CCDC102B: variants seen among roughly 807,000 people sequenced by gnomAD.
The protein encoded by CCDC102B is coiled-coil domain-containing protein 102B.
In CCDC102B, 75 loss-of-function variants were observed where a neutral mutation model predicts 57.4. The ratio of observed to expected loss-of-function variants is 1.31; its 90% CI spans 1.08 to 1.58. The LOEUF is 1.58. Among genes scored for constraint, CCDC102B ranks in the 40% most tolerant of loss-of-function variants. The pLI, the probability that CCDC102B is intolerant of heterozygous loss-of-function variation, is 0.00. For synonymous variants in CCDC102B, 206 were observed against 201.9 expected (o/e 1.02, Z -0.17); for missense variants, 636 against 582.6 (o/e 1.09, Z -0.94).
intron 4 of CCDC102B, among the ~76,000 whole-genome samples, chr18:68,867,979 T>C (rs2039077442): frequency 6.6e-6 from 1 of 152,030 alleles, no homozygotes; most frequent in African/African-American, 2.4e-5. Context: ...AGCTGCTGTT[T>C]TGGGGAGAAA....
chr18:68,794,212 A>G (rs1412390486), upstream of CCDC102B, among the ~76,000 whole-genome samples: 1 of 152,152 alleles, frequency 6.6e-6, no homozygotes, highest in East Asian at 1.9e-4. Context: ...TGTGGCTTGC[A>G]TCTGAATCAT....
In CCDC102B at chr18:69,054,459, T is replaced by C; in HGVS notation, c.*322T>C. On this transcript the variant is annotated 3_prime_UTR_variant, in exon 8 of 8. Transcript: ENST00000360242. ...TATAATATCGGTAAGAAAAAGTAAG[T>C]TGAAAACCATACAAGACGCTGGGTC... is the stretch of plus-strand genomic sequence containing the variant. 2.9e-6 allele frequency: 3 copies of C among 1,023,844 alleles called. No individual in the cohort carries two copies. The highest frequency in any genetic ancestry group is 3.5e-6 in the Non-Finnish European group (3 of 855,488). The allele number at this position is 1,023,844 out of a possible 1,614,324, so 63.4% of individuals were successfully genotyped here. A position where few individuals can be genotyped will look rare whatever the true frequency, so the allele number is the denominator to read the frequency against.
intron 6 of CCDC102B, among the ~76,000 whole-genome samples, chr18:68,910,617 C>T (rs919216408): frequency 1.2e-4 from 19 of 152,078 alleles, no homozygotes; most frequent in African/African-American, 4.3e-4. Context: ...CATTTAGCTC[C>T]GAGAAAGTAA....
intron 6 of CCDC102B, among the ~76,000 whole-genome samples, chr18:69,001,761 G>C (rs1011879429): frequency 6.6e-6 from 1 of 152,178 alleles, no homozygotes; most frequent in Non-Finnish European, 1.5e-5. Context: ...ATGAGTATTA[G>C]TTGGATGAAT....
chr18:68,917,122 G>A (rs962668267), intron 6 of CCDC102B, among the ~76,000 whole-genome samples: 10 of 152,142 alleles, frequency 6.6e-5, no homozygotes, highest in Admixed American at 2.6e-4. Context: ...TCTTTTGTTT[G>A]GTTAACGTTT....
intron 6 of CCDC102B, among the ~76,000 whole-genome samples, chr18:68,911,720 C>A (rs1351114601): frequency 8.7e-6 from 1 of 115,304 alleles, no homozygotes. Flanking sequence ...CCACTGCACT[C>A]CAGCCTGGGC....
chr18:68,777,191 C>CAAAT (rs2034850346), intron 2 of CCDC102B, among the ~76,000 whole-genome samples: 2 of 152,286 alleles, frequency 1.3e-5, no homozygotes, highest in East Asian at 3.9e-4. Flanking sequence ...TTTTAAAGGA[C>CAAAT]TATTTCTCCC....
intron 7 of CCDC102B, among the ~76,000 whole-genome samples, chr18:69,027,911 G>T (rs2052035813): frequency 6.6e-6 from 1 of 152,044 alleles, no homozygotes; most frequent in Non-Finnish European, 1.5e-5. Context: ...AGATCCAATT[G>T]GGGAAAACAA....
intron 6 of CCDC102B, among the ~76,000 whole-genome samples, chr18:68,953,777 G>A (rs2049767079): frequency 6.6e-6 from 1 of 152,092 alleles, no homozygotes; most frequent in Non-Finnish European, 1.5e-5. Flanking sequence ...TGAGGAGAAG[G>A]CAAATGGGTC....
chr18:68,974,455 TAA>T (rs2050381454), intron 6 of CCDC102B, among the ~76,000 whole-genome samples: 1 of 152,116 alleles, frequency 6.6e-6, no homozygotes, highest in South Asian at 2.1e-4. Context: ...CAAAATGCAC[TAA>T]GATATTATTT....
At chr18:68,785,303 T>C (rs565702077) in intron 2 of CCDC102B, among the ~76,000 whole-genome samples, 133 of 152,302 alleles carry the variant, frequency 8.7e-4, no homozygotes, top group African/African-American at 3.2e-3. Context: ...TGCATGTGTC[T>C]TTATAGCAGC....
intron 6 of CCDC102B, among the ~76,000 whole-genome samples, chr18:68,939,720 A>G (rs1436253494): frequency 6.6e-6 from 1 of 151,810 alleles, no homozygotes; most frequent in African/African-American, 2.4e-5. Flanking sequence ...TTGTTTTTGC[A>G]TTTAAGTAAG....
At chr18:68,988,441 C>G (rs1157137321) in intron 6 of CCDC102B, among the ~76,000 whole-genome samples, 2 of 151,700 alleles carry the variant, frequency 1.3e-5, no homozygotes, top group African/African-American at 2.4e-5. Flanking sequence ...CTACTGAGTA[C>G]TATTCTCACT....
At position 68,837,035 on chromosome 18, in the gene CCDC102B, C is replaced by A. The variant is rs367831856; in HGVS notation, c.272C>A (p.Thr91Asn). 1 of 1,613,964 alleles carries A rather than the reference C, an allele frequency of 6.2e-7. No homozygotes were observed. Among genetic ancestry groups the A allele is most frequent in the Non-Finnish European group, 8.5e-7 (1 of 1,180,034 alleles). ...VKARAAQMEKTMRWWSDCTAN... is the reference protein window; with the variant it reads ...VKARAAQMEKNMRWWSDCTAN... ...GCCAGAGCTGCTCAGATGGAAAAGA[C>A]CATGCGGTGGTGGTCGGACTGCACT... The change falls in exon 2 of 8, where the codon ACC becomes AAC. Residue 91 changes from threonine (T) to asparagine (N), a missense_variant. Physicochemically the swap from Thr to Asn is moderately conservative, Grantham distance 65. Transcript: ENST00000360242.
At chr18:68,903,943 G>T (rs1449315226) in intron 6 of CCDC102B, among the ~76,000 whole-genome samples, 2 of 152,160 alleles carry the variant, frequency 1.3e-5, no homozygotes, top group African/African-American at 2.4e-5. Flanking sequence ...ATTACAATGT[G>T]TTTATTTTGT....
intron 6 of CCDC102B, among the ~76,000 whole-genome samples, chr18:68,941,681 G>A (rs748203240): frequency 2.6e-5 from 4 of 152,016 alleles, no homozygotes; most frequent in East Asian, 3.9e-4. Context: ...ATTCAGTAGC[G>A]AGGATATATA....
intron 2 of CCDC102B, among the ~76,000 whole-genome samples, chr18:68,746,616 A>C (rs2033629821): frequency 1.3e-5 from 2 of 152,024 alleles, no homozygotes; most frequent in African/African-American, 2.4e-5. Context: ...ACAGGCAAAA[A>C]ATTTACTTCT....
intron 6 of CCDC102B, among the ~76,000 whole-genome samples, chr18:68,943,283 A>C (rs998845363): frequency 6.6e-6 from 1 of 152,114 alleles, no homozygotes; most frequent in Non-Finnish European, 1.5e-5. Context: ...ACTCATTTCA[A>C]ACTCATGAAT....
At chr18:68,883,423 T>G (rs892050169) in intron 5 of CCDC102B, among the ~76,000 whole-genome samples, 5 of 151,410 alleles carry the variant, frequency 3.3e-5, no homozygotes, top group African/African-American at 1.2e-4. Flanking sequence ...GAAAAAAAAA[T>G]GTATATGTAT....
Sources: allele counts gnomAD v4.1 joint callset (sites outside exome capture counted in the v4.1 genomes callset), GRCh38; gene constraint gnomAD v4.1.1; transcripts MANE v1.5; gene names NCBI Gene and HGNC (gene_info 2026-07-23, HGNC 2026-07-21).